Variants in RORA observed in about 807,000 individuals in gnomAD.
The protein encoded by RORA is nuclear receptor ROR-alpha.
Under a neutral mutation model 69.5 loss-of-function variants are expected in RORA, and 7 were observed. The ratio of observed to expected loss-of-function variants is 0.10; its 90% CI spans 0.06 to 0.19. The LOEUF (loss-of-function observed/expected upper bound fraction) is 0.19. Among genes scored for constraint, RORA ranks in the 10% least tolerant of loss-of-function variants. The probability of loss-of-function intolerance (pLI) is 1.00; values close to 1 mark genes in which losing one functional copy is unlikely to be tolerated. For synonymous variants in RORA, 261 were observed against 240.8 expected (o/e 1.08, Z -0.78); for missense variants, 457 against 663.0 (o/e 0.69, Z 3.41).
intron 1 of RORA, among the ~76,000 whole-genome samples, chr15:60,871,516 A>G (rs990443299): frequency 8.5e-5 from 13 of 152,240 alleles, no homozygotes; most frequent in Non-Finnish European, 1.9e-4. Context: ...CATCAAATAA[A>G]TATTAATATC....
At chr15:60,671,094 A>ATATATATATATATATATC (rs1426634321) in intron 2 of RORA, among the ~76,000 whole-genome samples, 1 of 118,118 alleles carries the variant, frequency 8.5e-6, no homozygotes, top group African/African-American at 3.2e-5. Flanking sequence ...ATATATATAT[A>ATATATATATATATATATC]TATCTGTTTC....
Position 60,850,406 on chromosome 15 carries a change from C to A in RORA, c.167-171720G>T, listed in dbSNP as rs78759561. On this transcript the variant is annotated intron_variant, in intron 1 of 10. Coordinates refer to ENST00000335670, the MANE Select transcript of RORA (RefSeq NM_134261.3). Reference sequence around the variant, plus strand: ...TTAAGATGCTGGTGTGATGTTTAAGCGGGGGGTCAGATGGTACCCGATTCA... The same window carrying A: ...TTAAGATGCTGGTGTGATGTTTAAGAGGGGGGTCAGATGGTACCCGATTCA... Among the ~76,000 whole-genome samples the A allele has an allele frequency of 9.5e-3, 1,444 of 152,160 alleles. 27 individuals carry two copies. Among genetic ancestry groups the A allele is most frequent in the African/African-American group, 0.033 (1,387 of 41,508 alleles).
At chr15:61,206,466 C>G (rs1331622211) in intron 1 of RORA, among the ~76,000 whole-genome samples, 1 of 152,176 alleles carries the variant, frequency 6.6e-6, no homozygotes, top group African/African-American at 2.4e-5. Context: ...CCCACGACAT[C>G]CCTGTTCTCA....
intron 2 of RORA, among the ~76,000 whole-genome samples, chr15:60,613,543 T>C (rs926334351): frequency 1.3e-5 from 2 of 152,140 alleles, no homozygotes; most frequent in African/African-American, 2.4e-5. Context: ...TGTTCTACGA[T>C]TCAAATACAA....
chr15:60,696,591 C>A (rs1247029634), intron 1 of RORA, among the ~76,000 whole-genome samples: 3 of 152,172 alleles, frequency 2.0e-5, no homozygotes, highest in African/African-American at 7.2e-5. Context: ...CTTTGACAGT[C>A]TACATGGCTC....
chr15:60,865,494 A>G (rs2073477709), intron 1 of RORA, among the ~76,000 whole-genome samples: 2 of 152,200 alleles, frequency 1.3e-5, no homozygotes, highest in Non-Finnish European at 2.9e-5. Flanking sequence ...AGCATTGGTA[A>G]TGGGATTGCT....
intron 1 of RORA, among the ~76,000 whole-genome samples, chr15:60,813,746 A>G (rs2072774490): frequency 6.6e-6 from 1 of 152,224 alleles, no homozygotes; most frequent in South Asian, 2.1e-4. Flanking sequence ...ATTACAGTAT[A>G]GTTTACAAAG....
chr15:60,913,372 C>A (rs1036765150), intron 1 of RORA, among the ~76,000 whole-genome samples: 1 of 152,210 alleles, frequency 6.6e-6, no homozygotes, highest in Admixed American at 6.5e-5. Context: ...GCCCCTCCAC[C>A]CCAGCCTCCT....
intron 1 of RORA, among the ~76,000 whole-genome samples, chr15:61,068,409 G>A (rs2078294614): frequency 6.6e-6 from 1 of 152,196 alleles, no homozygotes; most frequent in African/African-American, 2.4e-5. Context: ...ACCCATGAGA[G>A]TGTTTCCTCT....
chr15:60,874,529 T>C (rs1009738139), intron 1 of RORA, among the ~76,000 whole-genome samples: 5 of 152,200 alleles, frequency 3.3e-5, no homozygotes, highest in Non-Finnish European at 7.4e-5. Flanking sequence ...AGACAATACA[T>C]GAAGGAATGA....
intron 1 of RORA, among the ~76,000 whole-genome samples, chr15:61,079,603 G>T (rs930462303): frequency 6.6e-6 from 1 of 152,184 alleles, no homozygotes; most frequent in Non-Finnish European, 1.5e-5. Context: ...AACTCCATTG[G>T]CATTGTTGAA....
chr15:60,845,688 A>G (rs1318482146), intron 1 of RORA, among the ~76,000 whole-genome samples: 1 of 152,238 alleles, frequency 6.6e-6, no homozygotes, highest in Non-Finnish European at 1.5e-5. Context: ...TTAGAAATAT[A>G]TGAGTTAATT....
chr15:61,186,640 C>CAAA (rs58380679), intron 1 of RORA, among the ~76,000 whole-genome samples: 1 of 67,590 alleles, frequency 1.5e-5, no homozygotes, highest in Non-Finnish European at 2.7e-5. Flanking sequence ...GACCCTGACT[C>CAAA]AAAAAAAAAA....
intron 1 of RORA, among the ~76,000 whole-genome samples, chr15:60,783,172 A>G (rs1595711607): frequency 6.6e-6 from 1 of 152,280 alleles, no homozygotes; most frequent in East Asian, 1.9e-4. Context: ...CTGCAAATAC[A>G]AAGGGGGTGC....
At chr15:60,847,106 T>C (rs529306744) in intron 1 of RORA, among the ~76,000 whole-genome samples, 1 of 152,312 alleles carries the variant, frequency 6.6e-6, no homozygotes, top group Admixed American at 6.5e-5. Context: ...TCTCATTGCT[T>C]CATTGAATTT....
rs527670166 is a variant in RORA, at chr15:60,920,877, A to C, written c.167-242191T>G. ...TTGTGTAAAACTACAGATGCAGGAC[A>C]CCTCAGTGGAGTTCTTTTCTTGCAT... On this transcript the variant is annotated intron_variant, in intron 1 of 10. Transcript: ENST00000335670. Among the ~76,000 whole-genome samples, 15 of 152,320 alleles carry C rather than the reference A, an allele frequency of 9.8e-5. No individual in the cohort carries two copies. In the South Asian group the frequency reaches 3.1e-3, roughly 32 times the overall value.
At chr15:60,685,037 T>C (rs1204726882) in intron 1 of RORA, among the ~76,000 whole-genome samples, 1 of 152,230 alleles carries the variant, frequency 6.6e-6, no homozygotes, top group Non-Finnish European at 1.5e-5. Context: ...CAGGATATAG[T>C]ACCTCTTTCC....
intron 1 of RORA, among the ~76,000 whole-genome samples, chr15:61,111,402 G>A (rs1416828070): frequency 6.6e-6 from 1 of 152,186 alleles, no homozygotes; most frequent in Non-Finnish European, 1.5e-5. Flanking sequence ...CCTGGGTAGG[G>A]AGATTTTCTT....
intron 1 of RORA, among the ~76,000 whole-genome samples, chr15:60,821,098 C>T (rs341374): frequency 0.27 from 41,327 of 152,028 alleles, 5,945 homozygotes; most frequent in Admixed American, 0.35. Flanking sequence ...AGCTGTAGGG[C>T]CTAGGACCTT....
Sources: allele counts gnomAD v4.1 joint callset (sites outside exome capture counted in the v4.1 genomes callset), GRCh38; gene constraint gnomAD v4.1.1; transcripts MANE v1.5; gene names NCBI Gene and HGNC (gene_info 2026-07-23, HGNC 2026-07-21).